Variants in SLC35F4 observed in about 807,000 individuals in gnomAD.
SLC35F4 encodes the protein solute carrier family 35 member F4.
SLC35F4 carries 24 observed loss-of-function variants against 44.2 expected under a neutral mutation model. The ratio of observed to expected loss-of-function variants is 0.54; its 90% CI spans 0.39 to 0.76. The LOEUF (loss-of-function observed/expected upper bound fraction) is 0.76. Among genes scored for constraint, SLC35F4 ranks in the 30% least tolerant of loss-of-function variants. SLC35F4 has a pLI of 0.00. For missense variants in SLC35F4, 562 were observed against 586.1 expected (o/e 0.96, Z 0.42); for synonymous variants, 238 against 223.6 (o/e 1.06, Z -0.57).
chr14:57,827,935 C>T lies in SLC35F4; in HGVS notation c.103+37788G>A, dbSNP rs138803820. On this transcript the variant is annotated intron_variant, in intron 1 of 7. Coordinates refer to ENST00000556826, the MANE Select transcript of SLC35F4 (RefSeq NM_001306087.2). ...ACATTACCAAGATTTCAGCTAATAACCTGCATCTACATTTGTTTTGGTCAT... is the reference window on the plus strand; with the variant it reads ...ACATTACCAAGATTTCAGCTAATAATCTGCATCTACATTTGTTTTGGTCAT... Among the ~76,000 whole-genome samples, 1,002 of 152,252 alleles carry T rather than the reference C, an allele frequency of 6.6e-3. 7 individuals are homozygous for T. Among genetic ancestry groups the T allele is most frequent in the Admixed American group, 0.011 (167 of 15,284 alleles).
intron 1 of SLC35F4, among the ~76,000 whole-genome samples, chr14:57,707,767 C>G (rs2075714675): frequency 6.6e-6 from 1 of 152,118 alleles, no homozygotes; most frequent in South Asian, 2.1e-4. Flanking sequence ...TTGGAACTTC[C>G]TAGAGATTTT....
chr14:57,974,512 A>C (rs1408506665), downstream of SLC35F4, among the ~76,000 whole-genome samples: 1 of 152,204 alleles, frequency 6.6e-6, no homozygotes, highest in African/African-American at 2.4e-5. Context: ...GCTGCTAGAC[A>C]AGTATCTACC....
At chr14:57,654,990 C>A (rs940239662) in intron 1 of SLC35F4, among the ~76,000 whole-genome samples, 1 of 152,136 alleles carries the variant, frequency 6.6e-6, no homozygotes, top group African/African-American at 2.4e-5. Context: ...GCTTTTGATT[C>A]TGTACTCCAG....
chr14:57,804,278 T>C (rs1279315066), intron 1 of SLC35F4, among the ~76,000 whole-genome samples: 1 of 152,078 alleles, frequency 6.6e-6, no homozygotes, highest in Non-Finnish European at 1.5e-5. Context: ...TATTTAAAAA[T>C]TCTTATGGAA....
At chr14:57,959,087 A>T (rs1246739106) in intron 1 of SLC35F4, among the ~76,000 whole-genome samples, 2 of 152,166 alleles carry the variant, frequency 1.3e-5, no homozygotes, top group Admixed American at 6.5e-5. Flanking sequence ...CAGGAGAAGG[A>T]TGGCTATCAT....
intron 1 of SLC35F4, among the ~76,000 whole-genome samples, chr14:57,690,960 G>A (rs529959237): frequency 1.3e-5 from 2 of 152,194 alleles, no homozygotes; most frequent in East Asian, 1.9e-4. Context: ...TAACAGTATT[G>A]GTACGTAACA....
chr14:57,609,862 C>T (rs530142334), intron 1 of SLC35F4, among the ~76,000 whole-genome samples: 1 of 152,152 alleles, frequency 6.6e-6, no homozygotes, highest in Non-Finnish European at 1.5e-5. Flanking sequence ...CACATTAGGC[C>T]CTTGCTGGCT....
chr14:57,792,409 G>T (rs147206416), intron 1 of SLC35F4, among the ~76,000 whole-genome samples: 1 of 152,106 alleles, frequency 6.6e-6, no homozygotes, highest in Non-Finnish European at 1.5e-5. Flanking sequence ...CCACTACTGG[G>T]TATCTACCCA....
At chr14:57,710,607 T>G (rs889066111) in intron 1 of SLC35F4, among the ~76,000 whole-genome samples, 3 of 152,004 alleles carry the variant, frequency 2.0e-5, no homozygotes, top group Non-Finnish European at 4.4e-5. Context: ...GGCTGTACCC[T>G]GCAAAGACAC....
chr14:57,641,355 T>C (rs545178114), intron 1 of SLC35F4, among the ~76,000 whole-genome samples: 6 of 147,314 alleles, frequency 4.1e-5, no homozygotes, highest in African/African-American at 7.4e-5. Flanking sequence ...CAGAATAAGA[T>C]TGCCAGGTGA....
In SLC35F4 at chr14:57,653,426, G is replaced by A. The variant is rs76889644; in HGVS notation, c.104-59302C>T. ...AAGTGCCTGGGGAGTAATGGAGTCT[G>A]TGTTATCACTCACTTTACACCAGAG... is the stretch of plus-strand genomic sequence containing the variant. On this transcript the variant is annotated intron_variant, in intron 1 of 7. Transcript: ENST00000556826. Among the ~76,000 whole-genome samples, 1,062 of 152,260 alleles carry A rather than the reference G, an allele frequency of 7.0e-3. 13 individuals carry two copies. The highest frequency in any genetic ancestry group is 0.023 in the African/African-American group (954 of 41,554).
chr14:57,630,826 C>A, intron 1 of SLC35F4: 1 of 674,290 alleles, frequency 1.5e-6, no homozygotes, highest in South Asian at 3.6e-5. Context: ...AGGCAATGAT[C>A]ATAATCAAAA....
At chr14:57,981,839 G>A (rs944369479) in intron 1 of SLC35F4, 1 of 152,128 alleles carries the variant, frequency 6.6e-6, no homozygotes, top group Non-Finnish European at 1.5e-5. Context: ...TGTCCATTCC[G>A]AGTTCATCTG....
intron 1 of SLC35F4, among the ~76,000 whole-genome samples, chr14:57,919,661 G>T (rs550770068): frequency 6.6e-6 from 1 of 152,268 alleles, no homozygotes; most frequent in East Asian, 1.9e-4. Context: ...GGGTGGGGGA[G>T]CGTGGACAGA....
intron 1 of SLC35F4, among the ~76,000 whole-genome samples, chr14:57,940,387 C>G (rs1240459751): frequency 6.6e-6 from 1 of 152,138 alleles, no homozygotes; most frequent in Non-Finnish European, 1.5e-5. Flanking sequence ...ATAGTTCATT[C>G]TGTACACCCT....
chr14:57,641,563 AC>A (rs1258552933), intron 1 of SLC35F4, among the ~76,000 whole-genome samples: 2 of 152,022 alleles, frequency 1.3e-5, no homozygotes, highest in African/African-American at 4.8e-5. Context: ...CAAGACTTAA[AC>A]CTCCAAAACC....
At chr14:57,629,017 C>T (rs2072627136) in intron 1 of SLC35F4, among the ~76,000 whole-genome samples, 1 of 152,138 alleles carries the variant, frequency 6.6e-6, no homozygotes, top group Admixed American at 6.6e-5. Flanking sequence ...CCCAGGAAAA[C>T]AGCATTTACC....
intron 1 of SLC35F4, among the ~76,000 whole-genome samples, chr14:57,611,358 G>A (rs1248032539): frequency 2.0e-5 from 3 of 152,116 alleles, no homozygotes; most frequent in Non-Finnish European, 4.4e-5. Context: ...ATATGAAGTT[G>A]GGTGTATTCC....
At chr14:57,621,938 T>A (rs10144416) in intron 1 of SLC35F4, among the ~76,000 whole-genome samples, 1 of 149,250 alleles carries the variant, frequency 6.7e-6, no homozygotes, top group African/African-American at 2.5e-5. Context: ...GGCTAATAAC[T>A]AGAATCTACA....
Sources: allele counts gnomAD v4.1 joint callset (sites outside exome capture counted in the v4.1 genomes callset), GRCh38; gene constraint gnomAD v4.1.1; transcripts MANE v1.5; gene names NCBI Gene and HGNC (gene_info 2026-07-23, HGNC 2026-07-21).